The following THOC5 variants were observed in gnomAD, a reference collection of about 807,000 sequenced individuals.
THOC5 encodes the protein THO complex subunit 5.
In THOC5, 43 loss-of-function variants were observed where a neutral mutation model predicts 92.9. The observed-to-expected ratio is 0.46, with a 90% CI of 0.36 to 0.60. THOC5 has a LOEUF of 0.60. Ranked by LOEUF, THOC5 falls within the 20% of genes least tolerant of loss-of-function variation. The pLI is 0.00. For missense variants in THOC5, 659 were observed against 849.4 expected (o/e 0.78, Z 2.79); for synonymous variants, 296 against 320.1 (o/e 0.92, Z 0.80).
At chr22:29,552,353 C>T (rs1228353832) in intron 1 of THOC5, among the ~76,000 whole-genome samples, 3 of 151,876 alleles carry the variant, frequency 2.0e-5, no homozygotes, top group South Asian at 2.1e-4. Flanking sequence ...TGTCTCTGCC[C>T]GGCCGCCCAT....
Position 29,508,449 on chromosome 22 carries a change from G to A in THOC5, c.*8C>T, listed in dbSNP as rs752502433. On this transcript the variant is annotated 3_prime_UTR_variant, in exon 20 of 20. Coordinates refer to ENST00000490103, the MANE Select transcript of THOC5 (RefSeq NM_003678.5). ...GGCCTTGGGGGAAACAACGGTCTGC[G>A]CGGGAGATCAGCGATGGCTGAAGAA... 1.4e-5 allele frequency: 22 copies of A among 1,614,124 alleles called. No individual in the cohort carries two copies. The highest frequency in any genetic ancestry group is 6.7e-5 in the Admixed American group (4 of 60,022).
intron 17 of THOC5, among the ~76,000 whole-genome samples, chr22:29,514,595 C>T (rs375010158): frequency 1.3e-5 from 2 of 152,008 alleles, no homozygotes; most frequent in East Asian, 1.9e-4. Context: ...GGATTACACA[C>T]CTGAGCCACC....
At chr22:29,511,968 AC>A (rs2063232071) in intron 18 of THOC5, 52 bp downstream of exon 18, 1 of 1,512,082 alleles carries the variant, frequency 6.6e-7, no homozygotes, top group African/African-American at 1.4e-5. Flanking sequence ...TGCCACGGCC[AC>A]CTCCCCCGGG....
chr22:29,523,642 C>A (rs1264377110), intron 12 of THOC5, among the ~76,000 whole-genome samples: 1 of 152,122 alleles, frequency 6.6e-6, no homozygotes, highest in Non-Finnish European at 1.5e-5. Flanking sequence ...AAGCCCAAGA[C>A]AATGAATCTT....
At chr22:29,523,676 G>A (rs989199662) in intron 12 of THOC5, among the ~76,000 whole-genome samples, 2 of 152,144 alleles carry the variant, frequency 1.3e-5, no homozygotes, top group Non-Finnish European at 2.9e-5. Flanking sequence ...AGAGATGGCA[G>A]GACCCTCTGA....
In THOC5 at chr22:29,548,862, T is replaced by G. The variant is rs1047623372; in HGVS notation, c.96+190A>C. On this transcript the variant is annotated intron_variant, in intron 2 of 19. Coordinates refer to ENST00000490103, the MANE Select transcript of THOC5 (RefSeq NM_003678.5). ...AATACAGGCTTGTTGGTTTTGGAGA[T>G]GCTGCAGCTAAACCAGATGTGGACA... is the stretch of plus-strand genomic sequence containing the variant. Among the ~76,000 whole-genome samples, 3 of 152,300 alleles carry G rather than the reference T, an allele frequency of 2.0e-5. No homozygotes were observed. In the South Asian group the frequency reaches 6.2e-4, roughly 32 times the overall value.
At position 29,521,304 on chromosome 22, in the gene THOC5, T is replaced by C. The variant is rs367765363; in HGVS notation, c.1176-205A>G. Among the ~76,000 whole-genome samples, 163 of 152,332 alleles carry C rather than the reference T, an allele frequency of 1.1e-3. 2 individuals are homozygous for C. The South Asian group carries it at 0.032, about 30-fold the overall frequency. On this transcript the variant is annotated intron_variant, in intron 12 of 19. Transcript: ENST00000490103. ...TGAGGGAGGATTATCATTTCCATTTTATAGAGGAAAAACTCAAGGCTTTAA... is the reference window on the plus strand; with the variant it reads ...TGAGGGAGGATTATCATTTCCATTTCATAGAGGAAAAACTCAAGGCTTTAA...
intron 8 of THOC5, 34 bp downstream of exon 8, chr22:29,531,797 T>C (rs1245723738): frequency 3.7e-6 from 6 of 1,601,114 alleles, no homozygotes; most frequent in Admixed American, 1.7e-5. Flanking sequence ...GCTGCTCCCA[T>C]AGCCCCTTGT....
chr22:29,514,701 AAT>A (rs375323545), intron 17 of THOC5, among the ~76,000 whole-genome samples: 8 of 148,576 alleles, frequency 5.4e-5, no homozygotes, highest in Non-Finnish European at 3.0e-5. Flanking sequence ...CAAATGAAAA[AAT>A]ATATATATAT....
chr22:29,519,932 C>A (rs972270011), intron 14 of THOC5, 76 bp downstream of exon 14: 21 of 1,274,536 alleles, frequency 1.6e-5, no homozygotes, highest in Middle Eastern at 2.8e-4. Flanking sequence ...CCGCACCTGG[C>A]CTGGCCTTTC....
chr22:29,538,535 C>T (rs1256624123), intron 6 of THOC5, among the ~76,000 whole-genome samples: 1 of 152,070 alleles, frequency 6.6e-6, no homozygotes, highest in African/African-American at 2.4e-5. Context: ...TGGTAACTCA[C>T]ACCTGTAATC....
chr22:29,547,520 G>A (rs1293324325), intron 2 of THOC5, among the ~76,000 whole-genome samples: 1 of 152,054 alleles, frequency 6.6e-6, no homozygotes, highest in Non-Finnish European at 1.5e-5. Context: ...CCGCCACCAC[G>A]CCTGGCTAAT....
intron 15 of THOC5, among the ~76,000 whole-genome samples, chr22:29,518,799 C>G (rs2063381259): frequency 6.6e-6 from 1 of 152,232 alleles, no homozygotes; most frequent in East Asian, 1.9e-4. Context: ...CAGGACAGCA[C>G]TGATGGCTCT....
chr22:29,520,482 T>G (rs925760978), intron 13 of THOC5, among the ~76,000 whole-genome samples: 1 of 151,436 alleles, frequency 6.6e-6, no homozygotes, highest in African/African-American at 2.5e-5. Flanking sequence ...TCCAGAGGGT[T>G]TTTTTTGTTT....
intron 3 of THOC5, 26 bp downstream of exon 3, chr22:29,544,434 C>A: frequency 6.2e-7 from 1 of 1,606,800 alleles, no homozygotes. Context: ...CCACCAGGTT[C>A]ACGGCCACCT....
At chr22:29,518,880 C>T (rs2063382784) in intron 15 of THOC5, 126 bp downstream of exon 15, 1 of 731,438 alleles carries the variant, frequency 1.4e-6, no homozygotes, top group Non-Finnish European at 2.3e-6. Flanking sequence ...GATGCCCACT[C>T]CGTAAAGCCA....
chr22:29,517,442 G>A, intron 15 of THOC5, 76 bp from the exon 16 acceptor site: 2 of 1,325,426 alleles, frequency 1.5e-6, no homozygotes, highest in Non-Finnish European at 2.1e-6. Flanking sequence ...TCCTCCTGGG[G>A]CTCTCTGAAG....
chr22:29,527,173 T>G (rs1287210961), intron 11 of THOC5, among the ~76,000 whole-genome samples: 2 of 152,140 alleles, frequency 1.3e-5, no homozygotes, highest in African/African-American at 4.8e-5. Context: ...CAGTCCTAGC[T>G]ACTTAGGAGG....
chr22:29,526,886 T>C (rs574011112), intron 11 of THOC5, among the ~76,000 whole-genome samples: 1 of 152,266 alleles, frequency 6.6e-6, no homozygotes, highest in East Asian at 1.9e-4. Flanking sequence ...CTAAGGAGCA[T>C]GGCAACTAAA....
Sources: gnomAD v4.1 joint callset for allele counts (sites outside exome capture counted in the v4.1 genomes callset) on GRCh38, gnomAD v4.1.1 for gene constraint, MANE v1.5 for transcripts, NCBI Gene and HGNC (gene_info 2026-07-23, HGNC 2026-07-21) for gene names.